The following SCGN variants were observed in gnomAD, a reference collection of about 807,000 sequenced individuals.
The protein encoded by SCGN is secretagogin.
Under a neutral mutation model 39.7 loss-of-function variants are expected in SCGN, and 30 were observed. The observed-to-expected ratio is 0.76, with a 90% CI of 0.57 to 1.03. SCGN has a LOEUF of 1.03. Among genes scored for constraint, SCGN ranks in the 50% least tolerant of loss-of-function variants. The pLI, the probability that SCGN is intolerant of heterozygous loss-of-function variation, is 0.00. For missense variants in SCGN, 353 were observed against 349.4 expected, an observed-to-expected ratio of 1.01 and a Z score of -0.08; for synonymous variants, 106 against 114.1, an observed-to-expected ratio of 0.93 and a Z score of 0.45.
intron 4 of SCGN, among the ~76,000 whole-genome samples, chr6:25,665,836 AT>A (rs10713750): frequency 0.28 from 42,506 of 151,878 alleles, 6,013 homozygotes; most frequent in African/African-American, 0.32. Flanking sequence ...TAAGAAAATG[AT>A]TTTTTTTTAA....
chr6:25,656,219 G>A (rs1164147212), intron 2 of SCGN, among the ~76,000 whole-genome samples: 1 of 152,210 alleles, frequency 6.6e-6, no homozygotes, highest in Non-Finnish European at 1.5e-5. Flanking sequence ...TGCCCAGTGA[G>A]TACAGAATCC....
intron 7 of SCGN, among the ~76,000 whole-genome samples, chr6:25,684,542 C>T (rs140408777): frequency 0.013 from 2,043 of 152,254 alleles, 25 homozygotes; most frequent in Non-Finnish European, 0.021. Flanking sequence ...CACTTGTAAT[C>T]CCAGCACTGT....
rs757253950 is a variant in SCGN, at chr6:25,701,559, C to T, written c.*224C>T. ...TGTGTTGTTTTCCCTTGACCCTGGG[C>T]TTTCCTATCCTCCCAAAGACTCAGC... On this transcript the variant is annotated 3_prime_UTR_variant, in exon 11 of 11. Transcript: ENST00000377961. The T allele has an allele frequency of 7.3e-6, 3 of 408,652 alleles. No individual in the cohort carries two copies. Among genetic ancestry groups the T allele is most frequent in the Non-Finnish European group, 1.3e-5 (3 of 235,450 alleles). 25.3% of individuals were successfully genotyped at this position (408,652 alleles called of 1,614,324 possible).
intron 10 of SCGN, among the ~76,000 whole-genome samples, chr6:25,697,084 A>G (rs771879509): frequency 6.6e-6 from 1 of 152,178 alleles, no homozygotes; most frequent in South Asian, 2.1e-4. Context: ...TCTCTAGGAG[A>G]CTTCCCAGTA....
rs376019457 is a variant in SCGN, at chr6:25,665,298, C to T, written c.336+266C>T. The stretch of plus-strand genomic sequence containing the variant: ...CTTTAGACAAGAGGCCAGGCAGGTA[C>T]ACTGAAGAATGGAGAGGGAGGGGAG... On this transcript the variant is annotated intron_variant, in intron 4 of 10. Coordinates refer to ENST00000377961, the MANE Select transcript of SCGN (RefSeq NM_006998.4). 3.9e-5 allele frequency among the ~76,000 whole-genome samples: 6 copies of T among 152,100 alleles called. No homozygotes were observed. The East Asian group carries it at 1.2e-3, about 29-fold the overall frequency.
intron 10 of SCGN, among the ~76,000 whole-genome samples, chr6:25,699,589 CA>C (rs35915067): frequency 0.099 from 5,336 of 53,856 alleles, 56 homozygotes; most frequent in Non-Finnish European, 0.14. Flanking sequence ...AACTCTGTCT[CA>C]AAAAAAAAAA....
chr6:25,680,302 T>C (rs1016777896), intron 6 of SCGN, among the ~76,000 whole-genome samples: 2 of 152,150 alleles, frequency 1.3e-5, no homozygotes, highest in African/African-American at 4.8e-5. Flanking sequence ...TTATTAATAT[T>C]TGAACTTAGA....
At chr6:25,693,451 CAA>C (rs11376402) in intron 10 of SCGN, among the ~76,000 whole-genome samples, 15 of 48,416 alleles carry the variant, frequency 3.1e-4, no homozygotes, top group East Asian at 1.5e-3. Context: ...GACTCCGTCT[CAA>C]AAAAAAAAAA....
Position 25,656,563 on chromosome 6 carries a change from A to G in SCGN, c.153+3111A>G, listed in dbSNP as rs150631688. On this transcript the variant is annotated intron_variant, in intron 2 of 10. Transcript: ENST00000377961. The stretch of plus-strand genomic sequence containing the variant: ...TTTAGCCAGTTCATGGATAAACATC[A>G]GATTCTATGTGTACATACCCCTCAC... Among the ~76,000 whole-genome samples the G allele has an allele frequency of 3.7e-3, 567 of 152,308 alleles. 2 individuals are homozygous for G. The highest frequency in any genetic ancestry group is 0.013 in the African/African-American group (557 of 41,564).
intron 4 of SCGN, among the ~76,000 whole-genome samples, chr6:25,667,723 TAA>T (rs1760445895): frequency 6.6e-6 from 1 of 152,200 alleles, no homozygotes; most frequent in African/African-American, 2.4e-5. Flanking sequence ...AGTCTGCTGG[TAA>T]TAAACTCTGC....
At chr6:25,687,573 T>C (rs1004226574) in intron 7 of SCGN, among the ~76,000 whole-genome samples, 1 of 152,136 alleles carries the variant, frequency 6.6e-6, no homozygotes, top group Admixed American at 6.5e-5. Flanking sequence ...CTCTAGTAGT[T>C]TTTTGTTGGA....
chr6:25,675,484 TC>T (rs1759551521), intron 6 of SCGN, among the ~76,000 whole-genome samples: 1 of 152,238 alleles, frequency 6.6e-6, no homozygotes, highest in Non-Finnish European at 1.5e-5. Flanking sequence ...GCTAGCCCAC[TC>T]CCTTTTGTAA....
intron 1 of SCGN, 74 bp downstream of exon 1, chr6:25,652,559 G>A (rs1760153600): frequency 2.8e-6 from 4 of 1,415,040 alleles, no homozygotes; most frequent in Non-Finnish European, 4.0e-6. Flanking sequence ...AGGACCTGGA[G>A]TTTCCCCTTT....
intron 2 of SCGN, among the ~76,000 whole-genome samples, chr6:25,654,856 G>C (rs933140724): frequency 6.6e-6 from 1 of 152,116 alleles, no homozygotes; most frequent in Admixed American, 6.5e-5. Context: ...ATCAGCAGAC[G>C]AGAAGGATAG....
At chr6:25,691,200 T>A in intron 10 of SCGN, 76 bp downstream of exon 10, 2 of 1,120,952 alleles carry the variant, frequency 1.8e-6, no homozygotes, top group Non-Finnish European at 2.7e-6. Context: ...TGGGAATCAG[T>A]GAGACTGAAG....
chr6:25,657,609 T>C (rs1269529045), intron 2 of SCGN, among the ~76,000 whole-genome samples: 1 of 151,544 alleles, frequency 6.6e-6, no homozygotes, highest in African/African-American at 2.4e-5. Context: ...CCACACAGGA[T>C]CATTGAAGCT....
intron 4 of SCGN, among the ~76,000 whole-genome samples, chr6:25,668,837 C>T (rs989448597): frequency 2.0e-5 from 3 of 152,146 alleles, no homozygotes; most frequent in Non-Finnish European, 4.4e-5. Flanking sequence ...ATTGGCCGGG[C>T]GCAGTGGCTC....
Position 25,664,995 on chromosome 6 carries a change from G to A in SCGN, c.299G>A (p.Arg100Gln), listed in dbSNP as rs151030217. Reference protein sequence around the residue: ...EDENFLLLFRRENPLDSSVEF... With the variant: ...EDENFLLLFRQENPLDSSVEF... ...GAAAACTTTCTTCTGCTCTTTCGCCGGGAAAACCCACTGGACAGCAGCGTG... is the reference window on the plus strand; with the variant it reads ...GAAAACTTTCTTCTGCTCTTTCGCCAGGAAAACCCACTGGACAGCAGCGTG... The change falls in exon 4 of 11, where the codon CGG becomes CAG. Residue 100 changes from arginine to glutamine, a missense_variant. Physicochemically the swap from Arg to Gln is conservative, Grantham distance 43. Coordinates refer to ENST00000377961, the MANE Select transcript of SCGN (RefSeq NM_006998.4). 5.2e-5 allele frequency: 84 copies of A among 1,613,738 alleles called. No individual in the cohort carries two copies. In the East Asian group the frequency reaches 7.1e-4, roughly 14 times the overall value.
At chr6:25,680,019 C>T (rs1235266499) in intron 6 of SCGN, among the ~76,000 whole-genome samples, 3 of 149,970 alleles carry the variant, frequency 2.0e-5, no homozygotes, top group Non-Finnish European at 3.0e-5. Flanking sequence ...TTCAATCTTT[C>T]TAAATATCAG....
Sources: gnomAD v4.1 joint callset for allele counts (sites outside exome capture counted in the v4.1 genomes callset) on GRCh38, gnomAD v4.1.1 for gene constraint, MANE v1.5 for transcripts, NCBI Gene and HGNC (gene_info 2026-07-23, HGNC 2026-07-21) for gene names.